CNTN4: variants seen among roughly 807,000 people sequenced by gnomAD.
CNTN4 encodes contactin-4.
CNTN4 carries 77 observed loss-of-function variants against 122.5 expected under a neutral mutation model. That is an observed-to-expected ratio of 0.63 (90% CI 0.52 to 0.76). CNTN4 has a LOEUF of 0.76. CNTN4 is among the 30% of genes least tolerant of loss of function. The pLI, the probability that CNTN4 is intolerant of heterozygous loss-of-function variation, is 0.00. For missense variants in CNTN4, 1,256 were observed against 1,259.1 expected (o/e 1.00, Z 0.04); for synonymous variants, 512 against 447.0 (o/e 1.15, Z -1.83).
chr3:2,278,033 C>G (rs1003966227), intron 2 of CNTN4, among the ~76,000 whole-genome samples: 10 of 152,180 alleles, frequency 6.6e-5, no homozygotes, highest in African/African-American at 1.9e-4. Context: ...GTGTGCAGGA[C>G]TGTCTAGGTG....
intron 14 of CNTN4, among the ~76,000 whole-genome samples, chr3:3,024,384 T>TAAAAAAAAA (rs55892513): frequency 2.2e-5 from 2 of 90,258 alleles, no homozygotes; most frequent in Non-Finnish European, 4.3e-5. Context: ...TTTTCCTCAT[T>TAAAAAAAAA]AAAAAAAAAA....
intron 2 of CNTN4, among the ~76,000 whole-genome samples, chr3:2,196,663 G>C (rs1025009667): frequency 6.6e-6 from 1 of 152,096 alleles, no homozygotes; most frequent in Non-Finnish European, 1.5e-5. Context: ...CTGGAAGGCC[G>C]TTGGCTTTGT....
chr3:2,370,800 G>A (rs956711282), intron 3 of CNTN4, among the ~76,000 whole-genome samples: 2 of 152,048 alleles, frequency 1.3e-5, no homozygotes, highest in African/African-American at 4.8e-5. Flanking sequence ...CAACCAGAAG[G>A]TGAATATATA....
intron 4 of CNTN4, among the ~76,000 whole-genome samples, chr3:2,705,770 T>C (rs1176633945): frequency 2.0e-5 from 2 of 102,308 alleles, no homozygotes; most frequent in South Asian, 2.8e-4. Context: ...AATATATATT[T>C]ATTATATATA....
chr3:2,209,916 A>T lies in CNTN4; in HGVS notation c.-145+109277A>T, dbSNP rs528358233. ...TCTGTGGGCCCATATTGGATGTGTAATATGAGTAAAAAACTTTCCATAAGT... is the reference window on the plus strand; with the variant it reads ...TCTGTGGGCCCATATTGGATGTGTATTATGAGTAAAAAACTTTCCATAAGT... On this transcript the variant is annotated intron_variant, in intron 2 of 24. Transcript: ENST00000418658. Among the ~76,000 whole-genome samples, 6 of 152,212 alleles carry T rather than the reference A, an allele frequency of 3.9e-5. No homozygotes were observed. In the South Asian group the frequency reaches 1.2e-3, roughly 32 times the overall value.
chr3:2,362,472 G>C (rs989283254), intron 3 of CNTN4: 3 of 465,988 alleles, frequency 6.4e-6, no homozygotes, highest in African/African-American at 4.0e-5. Context: ...ATGAGGACTA[G>C]CAGTGTCTTG....
intron 4 of CNTN4, among the ~76,000 whole-genome samples, chr3:2,729,437 C>G (rs186655854): frequency 1.4e-5 from 2 of 144,680 alleles, no homozygotes; most frequent in Admixed American, 7.2e-5. Flanking sequence ...TCCAGCTACT[C>G]GGGAGGCTAA....
At chr3:2,716,808 A>G (rs141482738) in intron 4 of CNTN4, among the ~76,000 whole-genome samples, 6,026 of 152,218 alleles carry the variant, frequency 0.04, 158 homozygotes, top group Non-Finnish European at 0.058. Flanking sequence ...TATACTGGGA[A>G]CTACTAGTCT....
At chr3:2,899,333 G>C (rs933136161) in intron 10 of CNTN4, among the ~76,000 whole-genome samples, 1 of 152,196 alleles carries the variant, frequency 6.6e-6, no homozygotes, top group Non-Finnish European at 1.5e-5. Flanking sequence ...GGTCAAGTCA[G>C]CTGGAAGAGA....
chr3:2,627,685 G>A (rs1038729387), intron 4 of CNTN4, among the ~76,000 whole-genome samples: 2 of 151,948 alleles, frequency 1.3e-5, no homozygotes, highest in South Asian at 2.1e-4. Context: ...AGTAGAGACG[G>A]GGTTTCACCG....
intron 2 of CNTN4, among the ~76,000 whole-genome samples, chr3:2,146,880 GTTGTT>G (rs2035268756): frequency 6.6e-6 from 1 of 151,850 alleles, no homozygotes; most frequent in African/African-American, 2.4e-5. Context: ...GTTTTTTGTT[GTTGTT>G]TTGTTTTGTT....
intron 2 of CNTN4, among the ~76,000 whole-genome samples, chr3:2,127,075 C>T (rs989820421): frequency 2.6e-5 from 4 of 151,850 alleles, no homozygotes; most frequent in Admixed American, 6.6e-5. Context: ...TTGTGGTTTG[C>T]GTTTTTCTCC....
At chr3:2,807,476 C>CTT in intron 6 of CNTN4, among the ~76,000 whole-genome samples, 1 of 145,572 alleles carries the variant, frequency 6.9e-6, no homozygotes, top group East Asian at 2.0e-4. Flanking sequence ...ATATACAGAA[C>CTT]TTTTTTTTTT....
chr3:2,125,915 GTGTGTGTGTGTGTATGTGTGTA>G (rs1300084851), intron 2 of CNTN4, among the ~76,000 whole-genome samples: 1 of 151,408 alleles, frequency 6.6e-6, no homozygotes, highest in Non-Finnish European at 1.5e-5. Flanking sequence ...GTGTGTGTGT[GTGTGTGTGTGTGTATGTGTGTA>G]TGTGTGTGTG....
At chr3:3,042,951 C>G (rs1466741732) in intron 21 of CNTN4, 26 bp from the exon 22 acceptor site, 5 of 1,597,508 alleles carry the variant, frequency 3.1e-6, no homozygotes, top group Non-Finnish European at 3.4e-6. Flanking sequence ...GTATGGTTTC[C>G]AAGGTCTTTC....
At chr3:2,305,505 T>C (rs2042670565) in intron 2 of CNTN4, among the ~76,000 whole-genome samples, 1 of 152,208 alleles carries the variant, frequency 6.6e-6, no homozygotes, top group Non-Finnish European at 1.5e-5. Flanking sequence ...ATTTAACTTA[T>C]CCTTTCTTAT....
intron 4 of CNTN4, among the ~76,000 whole-genome samples, chr3:2,717,114 C>A (rs1176879712): frequency 6.6e-6 from 1 of 151,976 alleles, no homozygotes; most frequent in Non-Finnish European, 1.5e-5. Flanking sequence ...GTTTTCAATT[C>A]TCTTGGGTAT....
chr3:2,696,595 G>A (rs535111696), intron 4 of CNTN4, among the ~76,000 whole-genome samples: 3 of 152,120 alleles, frequency 2.0e-5, no homozygotes, highest in Non-Finnish European at 2.9e-5. Flanking sequence ...CCAGCCTCCA[G>A]AACTGTGAAA....
intron 7 of CNTN4, among the ~76,000 whole-genome samples, chr3:2,864,323 A>C (rs998507404): frequency 6.6e-6 from 1 of 152,162 alleles, no homozygotes; most frequent in African/African-American, 2.4e-5. Context: ...AAAAAGAATG[A>C]AGCAGATGCC....
Sources: allele counts gnomAD v4.1 joint callset (sites outside exome capture counted in the v4.1 genomes callset), GRCh38; gene constraint gnomAD v4.1.1; transcripts MANE v1.5; gene names NCBI Gene and HGNC (gene_info 2026-07-23, HGNC 2026-07-21).